Variants in NLGN1 observed in about 807,000 individuals in gnomAD.
The protein encoded by NLGN1 is neuroligin-1.
A neutral mutation model predicts 65.5 loss-of-function variants in NLGN1; 12 were observed. The ratio of observed to expected loss-of-function variants is 0.18; its 90% CI spans 0.12 to 0.30. The LOEUF is 0.30. Ranked by LOEUF, NLGN1 falls within the 10% of genes least tolerant of loss-of-function variation. The pLI is 1.00. For synonymous variants in NLGN1, 350 were observed against 359.5 expected, an observed-to-expected ratio of 0.97 and a Z score of 0.30; for missense variants, 750 against 1,007.1, an observed-to-expected ratio of 0.74 and a Z score of 3.46.
intron 2 of NLGN1, among the ~76,000 whole-genome samples, chr3:173,597,238 G>A (rs73880512): frequency 0.051 from 7,752 of 152,204 alleles, 659 homozygotes; most frequent in African/African-American, 0.18. Context: ...AGGCAGTCTT[G>A]GGTTTGTTTC....
chr3:173,749,405 C>G (rs922834536), intron 3 of NLGN1, among the ~76,000 whole-genome samples: 15 of 152,116 alleles, frequency 9.9e-5, no homozygotes, highest in Non-Finnish European at 1.8e-4. Flanking sequence ...GAAGATTGTT[C>G]TAGCGAAATA....
chr3:173,859,448 A>T (rs1578833617), intron 4 of NLGN1, among the ~76,000 whole-genome samples: 1 of 152,248 alleles, frequency 6.6e-6, no homozygotes, highest in East Asian at 1.9e-4. Context: ...AGCAGGCTAC[A>T]CCCAATGTAT....
At position 173,665,543 on chromosome 3, in the gene NLGN1, T is replaced by G. The variant is rs533635578; in HGVS notation, c.493+60452T>G. The stretch of plus-strand genomic sequence containing the variant: ...TAAATGTTATATAAATACATCATTA[T>G]ATTTCTGCGGAAATGACAAGGTTTA... On this transcript the variant is annotated intron_variant, in intron 3 of 6. Transcript: ENST00000457714. Among the ~76,000 whole-genome samples, 448 of 152,314 alleles carry G rather than the reference T, an allele frequency of 2.9e-3. 3 individuals are homozygous for G. Among genetic ancestry groups the G allele is most frequent in the Non-Finnish European group, 4.7e-3 (318 of 68,034 alleles).
At chr3:173,477,618 G>A (rs952642289) in intron 2 of NLGN1, among the ~76,000 whole-genome samples, 1 of 152,134 alleles carries the variant, frequency 6.6e-6, no homozygotes, top group Non-Finnish European at 1.5e-5. Flanking sequence ...GGGTAGAAAG[G>A]GACCTCCTGA....
At chr3:173,580,907 T>C (rs115358136) in intron 2 of NLGN1, among the ~76,000 whole-genome samples, 3,589 of 114,028 alleles carry the variant, frequency 0.031, 54 homozygotes, top group Middle Eastern at 0.065. Flanking sequence ...TTGGCTGTTT[T>C]AAAGTCAACT....
chr3:173,586,925 GA>G, intron 2 of NLGN1, among the ~76,000 whole-genome samples: 1 of 152,296 alleles, frequency 6.6e-6, no homozygotes, highest in South Asian at 2.1e-4. Context: ...AGTTTAAACG[GA>G]TTTTAAAAAG....
chr3:173,615,246 C>T lies in NLGN1; in HGVS notation c.493+10155C>T, dbSNP rs73880522. Among the ~76,000 whole-genome samples, 1,395 of 152,150 alleles carry T rather than the reference C, an allele frequency of 9.2e-3. 27 individuals carry two copies. The highest frequency in any genetic ancestry group is 0.032 in the African/African-American group (1,323 of 41,502). ...ATTGTTATTCTTTTTGGTGTTGTTG[C>T]TTTGCTGGTGTTGTGTCCTGGAGGC... On this transcript the variant is annotated intron_variant, in intron 3 of 6. Transcript: ENST00000457714.
intron 4 of NLGN1, among the ~76,000 whole-genome samples, chr3:174,143,429 C>T (rs7623255): frequency 0.15 from 23,279 of 152,026 alleles, 3,342 homozygotes; most frequent in African/African-American, 0.37. Context: ...TTACAATTAT[C>T]ACCTCGACAA....
intron 2 of NLGN1, among the ~76,000 whole-genome samples, chr3:173,495,053 A>G (rs1420126043): frequency 6.6e-6 from 1 of 151,818 alleles, no homozygotes; most frequent in Non-Finnish European, 1.5e-5. Flanking sequence ...AATAGTCACT[A>G]GAGTTATTAA....
chr3:173,878,476 C>T (rs1458455978), intron 4 of NLGN1, among the ~76,000 whole-genome samples: 2 of 152,068 alleles, frequency 1.3e-5, no homozygotes, highest in East Asian at 3.9e-4. Context: ...ATATATAAGA[C>T]TTCGTATAAT....
At chr3:173,904,164 C>A (rs1245847214) in intron 4 of NLGN1, among the ~76,000 whole-genome samples, 1 of 152,012 alleles carries the variant, frequency 6.6e-6, no homozygotes, top group African/African-American at 2.4e-5. Flanking sequence ...CATATAAATT[C>A]TTTTGGGTTC....
At chr3:174,249,479 C>G (rs533408472) in intron 4 of NLGN1, among the ~76,000 whole-genome samples, 1 of 152,202 alleles carries the variant, frequency 6.6e-6, no homozygotes, top group Non-Finnish European at 1.5e-5. Context: ...CAATGTCAGT[C>G]TCTTCACATT....
At chr3:173,867,944 T>C (rs1013022306) in intron 4 of NLGN1, among the ~76,000 whole-genome samples, 1 of 152,172 alleles carries the variant, frequency 6.6e-6, no homozygotes, top group African/African-American at 2.4e-5. Context: ...TAGGAGAATG[T>C]TCTCATGTGG....
intron 4 of NLGN1, among the ~76,000 whole-genome samples, chr3:174,074,740 G>A (rs1017162285): frequency 9.2e-5 from 14 of 152,158 alleles, no homozygotes; most frequent in Admixed American, 8.5e-4. Context: ...CGTAGTTGTG[G>A]ATGATTCTTA....
intron 3 of NLGN1, among the ~76,000 whole-genome samples, chr3:173,776,639 C>G (rs1401783087): frequency 6.6e-6 from 1 of 151,940 alleles, no homozygotes; most frequent in Non-Finnish European, 1.5e-5. Context: ...TCATACCTGA[C>G]TACTTCCTGA....
intron 4 of NLGN1, among the ~76,000 whole-genome samples, chr3:174,210,801 G>T (rs1335150727): frequency 2.0e-5 from 3 of 152,202 alleles, no homozygotes; most frequent in Admixed American, 2.0e-4. Context: ...TCTTCTATAT[G>T]AGGGTGGTCC....
At chr3:173,441,630 A>C (rs767878854) in intron 2 of NLGN1, among the ~76,000 whole-genome samples, 9 of 152,146 alleles carry the variant, frequency 5.9e-5, no homozygotes, top group Non-Finnish European at 1.0e-4. Context: ...ATCTTTGTGG[A>C]TGGGGTTTCC....
At chr3:173,506,862 C>T (rs1355659336) in intron 2 of NLGN1, among the ~76,000 whole-genome samples, 1 of 152,008 alleles carries the variant, frequency 6.6e-6, no homozygotes, top group Non-Finnish European at 1.5e-5. Flanking sequence ...TTCAGAAAAA[C>T]TTTTTAAGGA....
Position 174,056,922 on chromosome 3 carries a change from T to A in NLGN1, c.647-218393T>A, listed in dbSNP as rs186100009. On this transcript the variant is annotated intron_variant, in intron 4 of 6. Coordinates refer to ENST00000457714, the Ensembl canonical transcript of NLGN1. ...ACTTTTAAGCCATATATATATATTT[T>A]TTTTCATTTTTCTACATTATGATTA... 6.1e-3 allele frequency among the ~76,000 whole-genome samples: 928 copies of A among 152,102 alleles called. 20 individuals carry two copies. The highest frequency in any genetic ancestry group is 0.037 in the East Asian group (192 of 5,164).
Sources: gnomAD v4.1 joint callset for allele counts (sites outside exome capture counted in the v4.1 genomes callset) on GRCh38, gnomAD v4.1.1 for gene constraint, MANE v1.5 for transcripts, NCBI Gene and HGNC (gene_info 2026-07-23, HGNC 2026-07-21) for gene names.